Variants in RBM8A observed in about 807,000 individuals in gnomAD.
RBM8A encodes the protein RNA binding motif protein 8A.
In RBM8A, 8 loss-of-function variants were observed where a neutral mutation model predicts 25.1. The ratio of observed to expected loss-of-function variants is 0.32; its 90% CI spans 0.19 to 0.58. RBM8A has a LOEUF of 0.58. Among genes scored for constraint, RBM8A ranks in the 20% least tolerant of loss-of-function variants. The probability of loss-of-function intolerance (pLI) is 0.88; values close to 1 mark genes in which losing one functional copy is unlikely to be tolerated. For missense variants in RBM8A, 114 were observed against 236.8 expected (o/e 0.48, Z 3.40); for synonymous variants, 66 against 80.0 (o/e 0.82, Z 0.94).
At chr1:145,926,334 C>T in intron 4 of RBM8A, 148 bp downstream of exon 4, 2 of 1,448,712 alleles carry the variant, frequency 1.4e-6, no homozygotes, top group South Asian at 2.6e-5. Flanking sequence ...ATCTCCGTTT[C>T]TGTCTCTTTG....
chr1:145,926,977 T>G, intron 2 of RBM8A, 41 bp downstream of exon 2: 1 of 1,614,162 alleles, frequency 6.2e-7, no homozygotes, highest in East Asian at 2.2e-5. Flanking sequence ...CCGTAGCTCC[T>G]GCCCTACTAG....
rs781823998 is a variant in RBM8A, at chr1:145,926,103, C to A, written c.417G>T (p.Leu139Phe). Reference protein sequence around the residue: ...AAMEGLNGQDLMGQPISVDWC... With the variant: ...AAMEGLNGQDFMGQPISVDWC... ...AGTCAACGCTGATGGGCTGTCCCAT[C>A]AAATCCTGGCCATTGAGTCCCTCCA... Residue 139 changes from leucine to phenylalanine, a missense_variant, in exon 5 of 6, where the codon TTG (leucine) becomes TTT (phenylalanine). Leu to Phe is a conservative substitution (Grantham distance 22). This residue lies in a region of RBM8A where 102 missense variants were observed against 182.7 expected (regional missense o/e 0.56). Coordinates refer to ENST00000583313, the MANE Select transcript of RBM8A (RefSeq NM_005105.5). 6.2e-7 allele frequency: 1 copy of A among 1,614,220 alleles called. No individual in the cohort carries two copies. Among genetic ancestry groups the A allele is most frequent in the Admixed American group, 1.7e-5 (1 of 60,034 alleles).
Position 145,926,086 on chromosome 1 carries a change from C to T in RBM8A, c.434G>A (p.Ser145Asn). Residue 145 changes from serine to asparagine, a missense_variant, in exon 5 of 6, where the codon AGC (serine) becomes AAC (asparagine). Transcript: ENST00000583313. ...ACCCCGAACAAAACACCAGTCAACGCTGATGGGCTGTCCCATCAAATCCTG... is the reference window on the plus strand; with the variant it reads ...ACCCCGAACAAAACACCAGTCAACGTTGATGGGCTGTCCCATCAAATCCTG... ...NGQDLMGQPI[S>N]VDWCFVRGPP... The T allele has an allele frequency of 6.2e-7, 1 of 1,614,238 alleles. No homozygotes were observed.
intron 4 of RBM8A, 50 bp downstream of exon 4, chr1:145,926,432 T>C (rs1648162958): frequency 3.1e-6 from 5 of 1,592,980 alleles, no homozygotes; most frequent in Non-Finnish European, 3.4e-6. Flanking sequence ...CTACGAATGC[T>C]ACCTAAGGCT....
chr1:145,927,172 C>G, intron 1 of RBM8A, 95 bp from the exon 2 acceptor site: 1 of 1,525,964 alleles, frequency 6.6e-7, no homozygotes, highest in Non-Finnish European at 9.0e-7. Context: ...CGACCCACAC[C>G]GCCTCCAGTC....
In RBM8A at chr1:145,925,670, C is replaced by G. The variant is rs1553755720; in HGVS notation, c.*212G>C. On this transcript the variant is annotated 3_prime_UTR_variant, in exon 6 of 6. Coordinates refer to ENST00000583313, the MANE Select transcript of RBM8A (RefSeq NM_005105.5). ...AGTATCTTCACAATGATCCATACAG[C>G]CTTGCTATGCTTTAGAACTTTCAAT... 1.7e-6 allele frequency: 1 copy of G among 583,148 alleles called. No homozygotes were observed. The highest frequency in any genetic ancestry group is 1.9e-5 in the African/African-American group (1 of 53,248). 36.1% of individuals were successfully genotyped at this position (583,148 alleles called of 1,614,324 possible).
At chr1:145,926,199 A>G in intron 4 of RBM8A, 22 bp from the exon 5 acceptor site, 1 of 1,609,548 alleles carries the variant, frequency 6.2e-7, no homozygotes, top group Non-Finnish European at 8.5e-7. Flanking sequence ...GAAAAGACAG[A>G]TATGAAAACC....
In RBM8A at chr1:145,924,691, T is replaced by G. The variant is rs1221815510; in HGVS notation, c.*1191A>C. ...CCAGGTTGGGAAGGGGAAAACGGTT[T>G]GCAACATTCTCCTCCTTGTAGGAGG... On this transcript the variant is annotated 3_prime_UTR_variant, in exon 6 of 6. Coordinates refer to ENST00000583313, the MANE Select transcript of RBM8A (RefSeq NM_005105.5). 2 of 360,888 alleles carry G rather than the reference T, an allele frequency of 5.5e-6. No individual in the cohort carries two copies. Among genetic ancestry groups the G allele is most frequent in the African/African-American group, 4.4e-5 (2 of 45,768 alleles). The allele number at this position is 360,888 out of a possible 1,614,324, so 22.4% of individuals were successfully genotyped here.
In RBM8A at chr1:145,927,350, C is replaced by T; in HGVS notation, c.67+10G>A. On this transcript the variant is annotated intron_variant, in intron 1 of 5. Transcript: ENST00000583313. ...CCCCGCTTCCCACCAGCCGTCTCCA[C>T]TGTCCTCACCGTCCCCATCCTCATC... The T allele has an allele frequency of 2.5e-6, 4 of 1,611,560 alleles. No homozygotes were observed. Among genetic ancestry groups the T allele is most frequent in the Non-Finnish European group, 2.5e-6 (3 of 1,178,908 alleles).
Position 145,921,959 on chromosome 1 carries a change from C to G in RBM8A, c.*3923G>C, listed in dbSNP as rs1553755008. ...AAGAACAAAGAAAGGCCTGGTGGCT[C>G]AAGCCTGTAATCCCAGCATTTTGGA... is the stretch of plus-strand genomic sequence containing the variant. On this transcript the variant is annotated 3_prime_UTR_variant, in exon 6 of 6. Transcript: ENST00000583313. 1 of 152,198 alleles carries G rather than the reference C, an allele frequency of 6.6e-6. No individual in the cohort carries two copies. The allele number at this position is 152,198 out of a possible 1,614,324, so 9.4% of individuals were successfully genotyped here.
chr1:145,927,163 G>A, intron 1 of RBM8A, 86 bp from the exon 2 acceptor site: 1 of 1,540,750 alleles, frequency 6.5e-7, no homozygotes, highest in Non-Finnish European at 8.9e-7. Context: ...CCAGCAAGCC[G>A]ACCCACACCG....
chr1:145,926,551 G>T lies in RBM8A; in HGVS notation c.273C>A (p.Asp91Glu). 6.2e-7 allele frequency: 1 copy of T among 1,614,122 alleles called. No homozygotes were observed. Among genetic ancestry groups the T allele is most frequent in the Non-Finnish European group, 8.5e-7 (1 of 1,180,020 alleles). Reference protein sequence around the residue: ...HEEATEEDIHDKFAEYGEIKN... With the variant: ...HEEATEEDIHEKFAEYGEIKN... ...TAATTTCCCCATATTCTGCGAATTT[G>T]TCGTGTATGTCTTCTTCGGTGGCTT... The change falls in exon 4 of 6, where the codon GAC becomes GAA. Residue 91 changes from aspartate to glutamate, a missense_variant. Transcript: ENST00000583313.
In RBM8A at chr1:145,922,241, A is replaced by G. The variant is rs1233263081; in HGVS notation, c.*3641T>C. On this transcript the variant is annotated 3_prime_UTR_variant, in exon 6 of 6. Transcript: ENST00000583313. ...TCTGTTGGGGGTGGGGTGGGGGGGA[A>G]AGAGAAAAATAATACTTCTAATATG... 1 of 152,136 alleles carries G rather than the reference A, an allele frequency of 6.6e-6. No individual in the cohort carries two copies. The highest frequency in any genetic ancestry group is 2.4e-5 in the African/African-American group (1 of 41,406). The allele number at this position is 152,136 out of a possible 1,614,324, so 9.4% of individuals were successfully genotyped here. A position where few individuals can be genotyped will look rare whatever the true frequency, so the allele number is the denominator to read the frequency against.
In RBM8A at chr1:145,926,607, A is replaced by G; in HGVS notation, c.217T>C (p.Trp73Arg). Residue 73 changes from tryptophan to arginine, a missense_variant, in exon 4 of 6, where the codon TGG becomes CGG. This residue lies in a region of RBM8A where 102 missense variants were observed against 182.7 expected (regional missense o/e 0.56). Transcript: ENST00000583313. ...EPGPQRSVEG[W>R]ILFVTGVHEE... ...TGGACTCCAGTTACAAAGAGAATCC[A>G]GCCTTCAACAGCTGTTGGGGGACGG... 1 of 1,614,140 alleles carries G rather than the reference A, an allele frequency of 6.2e-7. No homozygotes were observed. The highest frequency in any genetic ancestry group is 8.5e-7 in the Non-Finnish European group (1 of 1,180,006).
In RBM8A at chr1:145,925,887, G is replaced by A. The variant is rs1289593027; in HGVS notation, c.520C>T (p.Arg174Cys). The A allele has an allele frequency of 2.6e-5, 42 of 1,613,648 alleles. No individual in the cohort carries two copies. In the Admixed American group the frequency reaches 5.8e-4, roughly 22 times the overall value. Residue 174 changes from arginine to cysteine, a missense_variant, in exon 6 of 6, where the codon CGC becomes TGC. This residue lies in a region of RBM8A where 102 missense variants were observed against 182.7 expected (regional missense o/e 0.56). Transcript: ENST00000583313. The stretch of plus-strand genomic sequence containing the variant: ...CCTGGACAACAGAGGACCTGTCAGC[G>A]ACGTCTCCGGTCTGGACTTCTGCTG... ...RRSRSPDRRR[R>C]
At chr1:145,927,145 A>G (rs111703653) in intron 1 of RBM8A, 68 bp from the exon 2 acceptor site, 37 of 1,582,272 alleles carry the variant, frequency 2.3e-5, no homozygotes, top group African/African-American at 2.3e-4. Context: ...CTCTTTCCCA[A>G]TACACTACCA....
In RBM8A at chr1:145,925,927, T is replaced by C; in HGVS notation, c.480A>G (p.Arg160=). 1 of 1,614,170 alleles carries C rather than the reference T, an allele frequency of 6.2e-7. No individual in the cohort carries two copies. The highest frequency in any genetic ancestry group is 8.5e-7 in the Non-Finnish European group (1 of 1,180,032). ...GACTTCTGCTGCGTCTTCGGCCACC[T>C]CTAGGGAAAAAGAAGCAGGGAGAGG... ...FVRGPPKGKR[R]GGRRRSRSPD... is the part of the protein sequence containing the mutation. The change falls in exon 6 of 6, where the codon AGA becomes AGG. Residue 160 remains arginine, a splice_region_variant and synonymous_variant. Coordinates refer to ENST00000583313, the MANE Select transcript of RBM8A (RefSeq NM_005105.5).
chr1:145,924,331 T>C lies in RBM8A; in HGVS notation c.*1551A>G, dbSNP rs757436429. ...TCTGCTATAGCCGCATTGTCCTCAG[T>C]GTGTCCAGGCCCCAGACAAGGAAGG... On this transcript the variant is annotated 3_prime_UTR_variant, in exon 6 of 6. Coordinates refer to ENST00000583313, the MANE Select transcript of RBM8A (RefSeq NM_005105.5). The C allele has an allele frequency of 8.9e-5, 45 of 504,606 alleles. No individual in the cohort carries two copies. Among genetic ancestry groups the C allele is most frequent in the Non-Finnish European group, 1.6e-4 (39 of 249,962 alleles). The allele number at this position is 504,606 out of a possible 1,614,324, so 31.3% of individuals were successfully genotyped here. A position where few individuals can be genotyped will look rare whatever the true frequency, so the allele number is the denominator to read the frequency against.
In RBM8A at chr1:145,923,841, AAT is replaced by A. The variant is rs1167999225; in HGVS notation, c.*2039_*2040del. On this transcript the variant is annotated 3_prime_UTR_variant, in exon 6 of 6. Transcript: ENST00000583313. ...TACCAGGAAAATCATTTCAGCTAAAAATATGAGTGAGGTGGTAGAAATATCAT... is the reference window on the plus strand; with the variant it reads ...TACCAGGAAAATCATTTCAGCTAAAAATGAGTGAGGTGGTAGAAATATCAT... 22 of 535,946 alleles carry A rather than the reference AAT, an allele frequency of 4.1e-5. No homozygotes were observed. In the East Asian group the frequency reaches 5.1e-4, roughly 12 times the overall value. 33.2% of individuals were successfully genotyped at this position (535,946 alleles called of 1,614,324 possible).
Sources: gnomAD v4.1 joint callset for allele counts on GRCh38, gnomAD v4.1.1 for gene constraint, gnomAD v4.1.1 regional missense constraint, MANE v1.5 for transcripts, NCBI Gene and HGNC (gene_info 2026-07-23, HGNC 2026-07-21) for gene names.